NRG1: variants seen among roughly 807,000 people sequenced by gnomAD.
NRG1 encodes the protein pro-neuregulin-1, membrane-bound isoform.
In NRG1, 18 loss-of-function variants were observed where a neutral mutation model predicts 63.8. The ratio of observed to expected loss-of-function variants is 0.28; its 90% CI spans 0.19 to 0.42. The LOEUF (loss-of-function observed/expected upper bound fraction) is 0.42. NRG1 is among the 10% of genes least tolerant of loss of function. The pLI, the probability that NRG1 is intolerant of heterozygous loss-of-function variation, is 1.00. For synonymous variants in NRG1, 302 were observed against 301.3 expected, an observed-to-expected ratio of 1.00 and a Z score of -0.02; for missense variants, 762 against 814.7, an observed-to-expected ratio of 0.94 and a Z score of 0.79.
At chr8:31,800,621 A>G (rs1821673403) in intron 1 of NRG1, among the ~76,000 whole-genome samples, 1 of 152,216 alleles carries the variant, frequency 6.6e-6, no homozygotes, top group African/African-American at 2.4e-5. Context: ...AAACATTTCT[A>G]AAGAGTAATC....
intron 1 of NRG1, among the ~76,000 whole-genome samples, chr8:31,704,712 G>A (rs1001663921): frequency 1.3e-4 from 19 of 151,332 alleles, no homozygotes; most frequent in Non-Finnish European, 2.8e-4. Flanking sequence ...GGCGCCTGTA[G>A]TCCCAGCTAC....
At chr8:32,545,700 A>T (rs530119883), upstream of NRG1, among the ~76,000 whole-genome samples, 29 of 152,196 alleles carry the variant, frequency 1.9e-4, no homozygotes, top group Non-Finnish European at 4.3e-4. Flanking sequence ...TAAATAATGT[A>T]ATAAAACCCC....
intron 1 of NRG1, among the ~76,000 whole-genome samples, chr8:31,898,956 G>A (rs1359814008): frequency 1.3e-5 from 2 of 152,086 alleles, no homozygotes; most frequent in Non-Finnish European, 2.9e-5. Flanking sequence ...CATTGAAGAG[G>A]TAGCTGCAAA....
At chr8:32,648,149 C>T (rs920720368) in intron 5 of NRG1, 5 of 1,614,150 alleles carry the variant, frequency 3.1e-6, no homozygotes, top group Non-Finnish European at 4.2e-6. Flanking sequence ...CTTCACCTGT[C>T]TCTAGGGCTC....
At chr8:32,730,106 A>C (rs1823261220) in intron 6 of NRG1, among the ~76,000 whole-genome samples, 1 of 152,206 alleles carries the variant, frequency 6.6e-6, no homozygotes, top group African/African-American at 2.4e-5. Context: ...TAATTTTTAT[A>C]AGCCAAAGTG....
chr8:31,984,996 C>T (rs1455720255), intron 1 of NRG1, among the ~76,000 whole-genome samples: 1 of 151,954 alleles, frequency 6.6e-6, no homozygotes, highest in Admixed American at 6.6e-5. Context: ...GGGGGTTTAC[C>T]CATTTGAGAC....
chr8:32,152,795 T>G (rs559341674), intron 1 of NRG1, among the ~76,000 whole-genome samples: 1 of 152,278 alleles, frequency 6.6e-6, no homozygotes, highest in African/African-American at 2.4e-5. Flanking sequence ...AAAAAAAAGT[T>G]TTAAATTAGA....
chr8:31,776,282 C>T (rs1371434260), intron 1 of NRG1, among the ~76,000 whole-genome samples: 1 of 152,322 alleles, frequency 6.6e-6, no homozygotes, highest in East Asian at 1.9e-4. Flanking sequence ...TGTCCTTGTG[C>T]CTCCTAATTC....
intron 1 of NRG1, among the ~76,000 whole-genome samples, chr8:31,941,465 G>T (rs1801737656): frequency 6.6e-6 from 1 of 152,072 alleles, no homozygotes; most frequent in Non-Finnish European, 1.5e-5. Context: ...AAAGTGGAAA[G>T]CATTCCCACT....
chr8:32,054,021 T>C (rs1351662735), intron 1 of NRG1, among the ~76,000 whole-genome samples: 1 of 152,216 alleles, frequency 6.6e-6, no homozygotes, highest in Non-Finnish European at 1.5e-5. Flanking sequence ...AAATGTGATA[T>C]AATGTAATGG....
At chr8:31,796,037 A>T (rs1162248842) in intron 1 of NRG1, among the ~76,000 whole-genome samples, 1 of 152,228 alleles carries the variant, frequency 6.6e-6, no homozygotes, top group African/African-American at 2.4e-5. Flanking sequence ...CAAGGAAAAT[A>T]TATATTTTAA....
chr8:32,327,465 T>C (rs1284068903), intron 1 of NRG1, among the ~76,000 whole-genome samples: 1 of 152,216 alleles, frequency 6.6e-6, no homozygotes, highest in African/African-American at 2.4e-5. Flanking sequence ...ATCTTAAAAC[T>C]AGCTTCAATA....
intron 1 of NRG1, among the ~76,000 whole-genome samples, chr8:31,826,052 G>A (rs940568011): frequency 2.0e-5 from 3 of 152,088 alleles, no homozygotes; most frequent in Non-Finnish European, 4.4e-5. Context: ...TAACCCCATA[G>A]TCTATTTTCA....
chr8:32,526,051 C>T (rs1830810009), intron 1 of NRG1, among the ~76,000 whole-genome samples: 1 of 152,176 alleles, frequency 6.6e-6, no homozygotes, highest in Admixed American at 6.5e-5. Context: ...TTACCATAAA[C>T]TTAGTTGCTT....
At chr8:32,046,644 T>A (rs1821045489) in intron 1 of NRG1, among the ~76,000 whole-genome samples, 1 of 152,090 alleles carries the variant, frequency 6.6e-6, no homozygotes. Flanking sequence ...ACAACTTGGA[T>A]GAATTTCAAA....
intron 1 of NRG1, among the ~76,000 whole-genome samples, chr8:31,693,754 A>G (rs1414963579): frequency 1.3e-5 from 2 of 152,190 alleles, no homozygotes; most frequent in East Asian, 1.9e-4. Context: ...GACATAATCA[A>G]TGGCTGATAT....
At chr8:32,523,791 C>G (rs562706637) in intron 1 of NRG1, among the ~76,000 whole-genome samples, 5 of 151,798 alleles carry the variant, frequency 3.3e-5, no homozygotes, top group African/African-American at 1.2e-4. Flanking sequence ...CAGAAGTGAG[C>G]GAGATCATGC....
In NRG1 at chr8:32,410,567, C is replaced by T. The variant is rs548175974; in HGVS notation, c.38-185261C>T. Among the ~76,000 whole-genome samples the T allele has an allele frequency of 1.1e-4, 16 of 152,296 alleles. No individual in the cohort carries two copies. In the South Asian group the frequency reaches 3.3e-3, roughly 32 times the overall value. ...AGTATTCAAAATTCTTAGAAAGGTG[C>T]ATGATTCTTGCCCACTGAATTCCAC... On this transcript the variant is annotated intron_variant, in intron 1 of 10. Transcript: ENST00000519301.
chr8:32,360,216 G>A (rs1410806929), intron 1 of NRG1, among the ~76,000 whole-genome samples: 2 of 152,284 alleles, frequency 1.3e-5, no homozygotes, highest in Admixed American at 6.5e-5. Flanking sequence ...CAGACAGTGA[G>A]TGTGTCTATA....
Sources: allele counts gnomAD v4.1 joint callset (sites outside exome capture counted in the v4.1 genomes callset), GRCh38; gene constraint gnomAD v4.1.1; transcripts MANE v1.5; gene names NCBI Gene and HGNC (gene_info 2026-07-23, HGNC 2026-07-21).